ITGA3: variants seen among roughly 807,000 people sequenced by gnomAD.
The protein encoded by ITGA3 is integrin subunit alpha 3.
Under a neutral mutation model 131.1 loss-of-function variants are expected in ITGA3, and 70 were observed. The ratio of observed to expected loss-of-function variants is 0.53; its 90% confidence interval spans 0.44 to 0.65. The LOEUF (loss-of-function observed/expected upper bound fraction) is 0.65, where lower values mean the gene tolerates loss of function less well. Ranked by LOEUF, ITGA3 falls within the 30% of genes least tolerant of loss-of-function variation. The pLI, the probability that ITGA3 is intolerant of heterozygous loss-of-function variation, is 0.00. For synonymous variants in ITGA3, 537 were observed against 571.6 expected (o/e 0.94, Z 0.86); for missense variants, 1,098 against 1,388.6 (o/e 0.79, Z 3.33).
intron 7 of ITGA3, among the ~76,000 whole-genome samples, chr17:50,073,597 C>A (rs1175751214): frequency 4.3e-5 from 2 of 46,488 alleles, no homozygotes; most frequent in African/African-American, 1.1e-4. Context: ...TCTATAAACA[C>A]ACACACACAC....
intron 5 of ITGA3, among the ~76,000 whole-genome samples, 156 bp from the exon 6 acceptor site, chr17:50,071,155 G>T (rs72840624): frequency 1.9e-3 from 292 of 152,376 alleles, no homozygotes; most frequent in Middle Eastern, 3.4e-3. Flanking sequence ...CTGGGCCATG[G>T]CTGCTGGCCA....
rs372959355 is a variant in ITGA3, at chr17:50,059,480, G to C, written c.206+2835G>C. On this transcript the variant is annotated intron_variant, in intron 1 of 25. Transcript: ENST00000320031. ...AGGTACGCAGGAGCCAGGCTCACCT[G>C]CCATGCTCTCCTAACATCATGTTTC... Among the ~76,000 whole-genome samples the C allele has an allele frequency of 2.6e-5, 4 of 152,330 alleles. No individual in the cohort carries two copies. The South Asian group carries it at 8.3e-4, about 32-fold the overall frequency.
chr17:50,075,681 C>T lies in ITGA3; in HGVS notation c.1620C>T (p.His540=), dbSNP rs149518870. The change falls in exon 12 of 26, where the codon CAC becomes CAT. Residue 540 remains histidine (H), a synonymous_variant. Coordinates refer to ENST00000320031, the MANE Select transcript of ITGA3 (RefSeq NM_002204.4). ...RFAGSESAVF[H]GFFSMPEMRC... ...CCGGCAGTGAGTCCGCTGTCTTCCACGGCTTCTTCTCCATGCCCGAGATGC... is the reference window on the plus strand; with the variant it reads ...CCGGCAGTGAGTCCGCTGTCTTCCATGGCTTCTTCTCCATGCCCGAGATGC... The T allele has an allele frequency of 1.4e-4, 229 of 1,614,178 alleles. 1 individual carries two copies. The African/African-American group carries it at 2.6e-3, about 18-fold the overall frequency.
In ITGA3 at chr17:50,071,458, G is replaced by T; in HGVS notation, c.899G>T (p.Gly300Val). The change falls in exon 6 of 26, where the codon GGC becomes GTC. Residue 300 changes from glycine (G) to valine (V), a missense_variant. This residue lies in a region of ITGA3 where 356 missense variants were observed against 529.2 expected (regional missense o/e 0.67). Transcript: ENST00000320031. ...GDLRRRQVLE[G>V]SQVGAYFGSA... ...CTGCGGAGGAGGCAGGTGCTGGAGG[G>T]CTCGCAGGTGGGCGCCTATTTTGGC... 1 of 1,613,524 alleles carries T rather than the reference G, an allele frequency of 6.2e-7. No individual in the cohort carries two copies. The highest frequency in any genetic ancestry group is 1.1e-5 in the South Asian group (1 of 91,066).
chr17:50,065,238 T>G (rs757027590), intron 3 of ITGA3: 4 of 152,248 alleles, frequency 2.6e-5, no homozygotes, highest in Non-Finnish European at 5.9e-5. Flanking sequence ...CTCCTGGTGC[T>G]CATATGATGC....
At chr17:50,069,704 T>G (rs4793638) in intron 4 of ITGA3, among the ~76,000 whole-genome samples, 12,029 of 152,222 alleles carry the variant, frequency 0.079, 514 homozygotes, top group Admixed American at 0.11. Context: ...TCTCTTTCTC[T>G]TATCAAAAGT....
At chr17:50,084,678 G>T (rs1012047799) in intron 23 of ITGA3, among the ~76,000 whole-genome samples, 1 of 152,124 alleles carries the variant, frequency 6.6e-6, no homozygotes, top group African/African-American at 2.4e-5. Flanking sequence ...CTAACACTTT[G>T]GGAGGCCAAG....
chr17:50,076,281 C>T, intron 12 of ITGA3, 45 bp from the exon 13 acceptor site: 1 of 1,586,944 alleles, frequency 6.3e-7, no homozygotes, highest in Non-Finnish European at 8.6e-7. Flanking sequence ...TCAGCTGGGG[C>T]AGGGAGCAGT....
At chr17:50,087,577 C>T (rs1232663519) in intron 23 of ITGA3, 167 bp from the exon 24 acceptor site, 1 of 682,576 alleles carries the variant, frequency 1.5e-6, no homozygotes, top group Non-Finnish European at 2.5e-6. Flanking sequence ...CAGGAAGGAC[C>T]ACTGGACCTG....
chr17:50,061,365 C>T (rs1038834263), intron 1 of ITGA3, among the ~76,000 whole-genome samples: 27 of 152,066 alleles, frequency 1.8e-4, no homozygotes, highest in African/African-American at 5.8e-4. Context: ...TCCCTTAGCC[C>T]CTTCCTGGCT....
rs937800218 is a variant in ITGA3, at chr17:50,056,745, G to A, written c.206+100G>A. 2.4e-6 allele frequency: 3 copies of A among 1,253,590 alleles called. No homozygotes were observed. Among genetic ancestry groups the A allele is most frequent in the Admixed American group, 4.5e-5 (2 of 44,576 alleles). The allele number at this position is 1,253,590 out of a possible 1,614,324, so 77.7% of individuals were successfully genotyped here. On this transcript the variant is annotated intron_variant, in intron 1 of 25. Transcript: ENST00000320031. This position sits in a 1 kb window ranked among gnomAD's most constrained non-coding sequence, Gnocchi z 5.6. ...GGAGCCCAGGGCAGCTGGCCCTTGGGAGCCAGGATTAAGGGGCGGCCCTCT... is the reference window on the plus strand; with the variant it reads ...GGAGCCCAGGGCAGCTGGCCCTTGGAAGCCAGGATTAAGGGGCGGCCCTCT...
Position 50,081,470 on chromosome 17 carries a change from T to C in ITGA3, c.2919+62T>C, listed in dbSNP as rs1909184134. The C allele has an allele frequency of 1.7e-6, 2 of 1,209,186 alleles. 1 individual carries two copies. Among genetic ancestry groups the C allele is most frequent in the South Asian group, 2.6e-5 (2 of 76,776 alleles). 74.9% of individuals were successfully genotyped at this position (1,209,186 alleles called of 1,614,324 possible). ...CCAGAGCTTGAGAGTACAGGGCATCTTTTAAGAGGACACTGACGCACTTCA... is the reference window on the plus strand; with the variant it reads ...CCAGAGCTTGAGAGTACAGGGCATCCTTTAAGAGGACACTGACGCACTTCA... On this transcript the variant is annotated intron_variant, in intron 23 of 25. Coordinates refer to ENST00000320031, the MANE Select transcript of ITGA3 (RefSeq NM_002204.4).
At chr17:50,068,456 C>G (rs920471481) in intron 4 of ITGA3, 151 bp downstream of exon 4, 3 of 825,384 alleles carry the variant, frequency 3.6e-6, no homozygotes, top group Non-Finnish European at 5.6e-6. Context: ...TGTTTTAAAG[C>G]ACTTACTATG....
At chr17:50,075,354 C>A in intron 10 of ITGA3, 105 bp from the exon 11 acceptor site, 1 of 1,201,580 alleles carries the variant, frequency 8.3e-7, no homozygotes, top group Non-Finnish European at 1.2e-6. Flanking sequence ...CCCTGCCTCT[C>A]TCCAGAAGGG....
chr17:50,087,945 C>T, intron 24 of ITGA3, 76 bp downstream of exon 24: 1 of 1,476,518 alleles, frequency 6.8e-7, no homozygotes, highest in Non-Finnish European at 9.1e-7. Flanking sequence ...CCCACGTCTC[C>T]CCATCCTGGT....
chr17:50,078,567 A>G (rs1279386804), intron 18 of ITGA3, among the ~76,000 whole-genome samples: 4 of 152,188 alleles, frequency 2.6e-5, no homozygotes, highest in Non-Finnish European at 5.9e-5. Flanking sequence ...TTTTATATAC[A>G]TCATCTCAAT....
At chr17:50,074,740 T>C (rs1032039535) in intron 10 of ITGA3, among the ~76,000 whole-genome samples, 4 of 152,170 alleles carry the variant, frequency 2.6e-5, no homozygotes, top group Non-Finnish European at 5.9e-5. Context: ...CAGTAGAGTA[T>C]AGTGGTTCAA....
In ITGA3 at chr17:50,075,541, G is replaced by A. The variant is rs761230116; in HGVS notation, c.1537+15G>A. Reference sequence around the variant, plus strand: ...GCGAAACATCAGTGAGTGCTGGGGTGCAGCGTAAAAGGGGTACGCTCCCCT... The same window carrying A: ...GCGAAACATCAGTGAGTGCTGGGGTACAGCGTAAAAGGGGTACGCTCCCCT... On this transcript the variant is annotated intron_variant, in intron 11 of 25. Coordinates refer to ENST00000320031, the MANE Select transcript of ITGA3 (RefSeq NM_002204.4). 8.1e-6 allele frequency: 13 copies of A among 1,614,244 alleles called. No individual in the cohort carries two copies. The highest frequency in any genetic ancestry group is 1.0e-5 in the Non-Finnish European group (12 of 1,180,046).
chr17:50,085,543 A>G (rs938122792), intron 23 of ITGA3, among the ~76,000 whole-genome samples: 4 of 151,594 alleles, frequency 2.6e-5, no homozygotes, highest in Admixed American at 2.6e-4. Flanking sequence ...GGGCACCTGT[A>G]ATCTCAGAAA....
Sources: allele counts gnomAD v4.1 joint callset (sites outside exome capture counted in the v4.1 genomes callset), GRCh38; gene constraint gnomAD v4.1.1; regional missense constraint gnomAD v4.1.1; non-coding constraint Gnocchi (gnomAD v3.1); transcripts MANE v1.5; gene names NCBI Gene and HGNC (gene_info 2026-07-23, HGNC 2026-07-21).